The following PLEKHG5 variants were observed in gnomAD, a reference collection of about 807,000 sequenced individuals.
PLEKHG5 encodes pleckstrin homology and RhoGEF domain containing G5, also known as pleckstrin homology domain-containing family G member 5.
Under a neutral mutation model 103.8 loss-of-function variants are expected in PLEKHG5, and 52 were observed. That is an observed-to-expected ratio of 0.50 (90% CI 0.40 to 0.63). The LOEUF is 0.63. Among genes scored for constraint, PLEKHG5 ranks in the 30% least tolerant of loss-of-function variants. The pLI, the probability that PLEKHG5 is intolerant of heterozygous loss-of-function variation, is 0.00. For missense variants in PLEKHG5, 1,205 were observed against 1,347.6 expected, an observed-to-expected ratio of 0.89 and a Z score of 1.66; for synonymous variants, 592 against 575.5, an observed-to-expected ratio of 1.03 and a Z score of -0.41.
Position 6,478,571 on chromosome 1 carries a change from C to G in PLEKHG5, c.-87-913G>C, listed in dbSNP as rs1644822043. Among the ~76,000 whole-genome samples, 2 of 152,300 alleles carry G rather than the reference C, an allele frequency of 1.3e-5. 1 individual carries two copies. The highest frequency in any genetic ancestry group is 6.8e-3 in the Middle Eastern group (2 of 294). On this transcript the variant is annotated intron_variant, in intron 1 of 20. Coordinates refer to ENST00000377728, the MANE Select transcript of PLEKHG5 (RefSeq NM_020631.6). ...CTCTGTAAACAGGTATCAGTATTCA[C>G]GACTTCCTAGTTCTCTCCTCCCACT...
At chr1:6,507,626 G>A (rs1638360897) in intron 1 of PLEKHG5, among the ~76,000 whole-genome samples, 5 of 152,302 alleles carry the variant, frequency 3.3e-5, no homozygotes, top group South Asian at 2.1e-4. Context: ...TCCGGGGGGC[G>A]GGGGGATGGA....
At position 6,472,553 on chromosome 1, in the gene PLEKHG5, T is replaced by C. The variant is rs200802048; in HGVS notation, c.1054A>G (p.Ile352Val). Residue 352 changes from isoleucine (I) to valine (V), a missense_variant, in exon 10 of 21, where the codon ATC becomes GTC. Physicochemically the swap from Ile to Val is conservative, Grantham distance 29 (BLOSUM62 3). Transcript: ENST00000377728. ...WELLHTEASY[I>V]RKLRVIINLF... ...TTGATGATCACCCGCAGTTTCCTGATGTAGGAGGCCTCCGTGTGCAGCAGC... is the reference window on the plus strand; with the variant it reads ...TTGATGATCACCCGCAGTTTCCTGACGTAGGAGGCCTCCGTGTGCAGCAGC... The C allele has an allele frequency of 6.2e-6, 10 of 1,613,294 alleles. No homozygotes were observed. Among genetic ancestry groups the C allele is most frequent in the African/African-American group, 1.3e-5 (1 of 74,892 alleles).
rs1020150780 is a variant in PLEKHG5, at chr1:6,469,130, C to T, written c.2161G>A (p.Glu721Lys). The change falls in exon 19 of 21, where the codon GAG becomes AAG. Residue 721 changes from glutamate (E) to lysine (K), a missense_variant. Coordinates refer to ENST00000377728, the MANE Select transcript of PLEKHG5 (RefSeq NM_020631.6). The part of the protein sequence containing the change: ...QEEEEEEEEE[E>K]EEGEDSGTSA... ...GTGCCACTGTCCTCGCCTTCCTCCT[C>T]CTCCTCCTCCTCCTCCTCTTCCTCC... 1 of 1,555,088 alleles carries T rather than the reference C, an allele frequency of 6.4e-7. No homozygotes were observed. The highest frequency in any genetic ancestry group is 8.7e-7 in the Non-Finnish European group (1 of 1,150,338).
intron 4 of PLEKHG5, 98 bp downstream of exon 4, chr1:6,475,364 G>A: frequency 9.3e-7 from 1 of 1,069,542 alleles, no homozygotes; most frequent in Non-Finnish European, 1.5e-6. Context: ...ACCCTGGGAT[G>A]CAGACCTCCC....
At chr1:6,519,659 T>G (rs1638720374) in exon 1 of PLEKHG5, 1 of 703,546 alleles carries the variant, frequency 1.4e-6, no homozygotes, top group Admixed American at 2.1e-5. Flanking sequence ...TCAGCCCCAG[T>G]CTTAATTTCT....
chr1:6,467,713 G>C, intron 20 of PLEKHG5, 112 bp downstream of exon 20: 1 of 1,488,066 alleles, frequency 6.7e-7, no homozygotes, highest in Non-Finnish European at 9.3e-7. Context: ...CACTGGGCAG[G>C]GTTCAGGCTC....
rs926023020 is a variant in PLEKHG5, at chr1:6,505,538, G to A, written c.-164-8969C>T. Among the ~76,000 whole-genome samples the A allele has an allele frequency of 1.3e-5, 2 of 152,022 alleles. No homozygotes were observed. Among genetic ancestry groups the A allele is most frequent in the African/African-American group, 4.8e-5 (2 of 41,382 alleles). Reference sequence around the variant, plus strand: ...CTAAACACAAGCCACGGGGCTCAGCGTCCCCGAGAGCTCATCCTGCCTCTT... The same window carrying A: ...CTAAACACAAGCCACGGGGCTCAGCATCCCCGAGAGCTCATCCTGCCTCTT... On this transcript the variant is annotated intron_variant, in intron 1 of 21. Transcript: ENST00000377740. The surrounding 1 kb of genome is among the most constrained non-coding windows in gnomAD (Gnocchi z 4.2).
intron 1 of PLEKHG5, among the ~76,000 whole-genome samples, chr1:6,479,227 C>T (rs935406986): frequency 1.3e-5 from 2 of 151,736 alleles, no homozygotes; most frequent in African/African-American, 4.9e-5. Context: ...GATATACTTC[C>T]TCATATAGGA....
At position 6,470,753 on chromosome 1, in the gene PLEKHG5, C is replaced by CT; in HGVS notation, c.1523dup (p.Glu509GlyfsTer146). On this transcript the variant is annotated frameshift_variant, in exon 14 of 21. Coordinates refer to ENST00000377728, the MANE Select transcript of PLEKHG5 (RefSeq NM_020631.6). LOFTEE classifies it high-confidence loss of function. ...GGGTTACCATGGCGACGACGGCCTC[C>CT]TTGGCGCGCGGCTCCTCGGTCTTCC... The CT allele has an allele frequency of 6.4e-7, 1 of 1,562,030 alleles. No homozygotes were observed. Among genetic ancestry groups the CT allele is most frequent in the Non-Finnish European group, 8.7e-7 (1 of 1,154,924 alleles).
upstream of PLEKHG5, among the ~76,000 whole-genome samples, chr1:6,495,685 C>T (rs528892131): frequency 6.6e-6 from 1 of 152,310 alleles, no homozygotes; most frequent in Non-Finnish European, 1.5e-5. Context: ...GCGCAGTTGT[C>T]ACTATTGTCA....
chr1:6,468,517 G>C lies in PLEKHG5; in HGVS notation c.2319C>G (p.Pro773=), dbSNP rs80031446. The C allele has an allele frequency of 2.4e-4, 384 of 1,612,730 alleles. No individual in the cohort carries two copies. The highest frequency in any genetic ancestry group is 2.9e-4 in the Non-Finnish European group (347 of 1,179,848). ...AGCTGAAAGGACCGCTGTCGAACTC[G>C]GGGGAGGACAGCGTGTCCCCAGGCT... ...VVEPGDTLSS[P]EFDSGPFSSQ... The change falls in exon 20 of 21, where the codon CCC becomes CCG. Residue 773 remains proline, a synonymous_variant. Coordinates refer to ENST00000377728, the MANE Select transcript of PLEKHG5 (RefSeq NM_020631.6).
rs1010507470 is a variant in PLEKHG5 at position 6,470,608 on chromosome 1, G to A, written c.1578C>T (p.Asn526=). 1.3e-6 allele frequency: 2 copies of A among 1,596,930 alleles called. No individual in the cohort carries two copies. Among genetic ancestry groups the A allele is most frequent in the East Asian group, 4.5e-5 (2 of 44,186 alleles). The part of the protein sequence containing the change: ...GSVERFIHHV[N]ACMRQRQERQ... ...GCTCCTGCCGCTGCCGCATGCACGC[G>A]TTCACGTGGTGGATGAAGCGCTCCA... Residue 526 remains asparagine (N), a synonymous_variant, in exon 15 of 21, where the codon AAC becomes AAT. Transcript: ENST00000377728.
At chr1:6,515,675 TAA>T (rs367899680) in intron 1 of PLEKHG5, among the ~76,000 whole-genome samples, 8 of 143,820 alleles carry the variant, frequency 5.6e-5, no homozygotes, top group African/African-American at 2.0e-4. Flanking sequence ...AAAATTAAAT[TAA>T]AAAAAAAAAG....
At chr1:6,485,319 C>A in intron 1 of PLEKHG5, 3 of 1,414,686 alleles carry the variant, frequency 2.1e-6, no homozygotes, top group African/African-American at 1.5e-5. Context: ...GTCCCGGCCC[C>A]GTACCTGGCT....
At position 6,486,760 on chromosome 1, in the gene PLEKHG5, C is replaced by T. The variant is rs1215596886; in HGVS notation, c.-88+4877G>A. 9.9e-5 allele frequency among the ~76,000 whole-genome samples: 15 copies of T among 152,210 alleles called. No individual in the cohort carries two copies. The highest frequency in any genetic ancestry group is 8.5e-4 in the Admixed American group (13 of 15,280). On this transcript the variant is annotated intron_variant, in intron 1 of 20. Coordinates refer to ENST00000377728, the MANE Select transcript of PLEKHG5 (RefSeq NM_020631.6). This position sits in a 1 kb window ranked among gnomAD's most constrained non-coding sequence, Gnocchi z 5.3. ...GATTCCCAGGAAGGCAGGGCAGGCACCATTAGCCCCATTCACGGCGTGGGG... is the reference window on the plus strand; with the variant it reads ...GATTCCCAGGAAGGCAGGGCAGGCATCATTAGCCCCATTCACGGCGTGGGG...
chr1:6,480,382 T>C (rs963452910), intron 1 of PLEKHG5, among the ~76,000 whole-genome samples: 1 of 151,644 alleles, frequency 6.6e-6, no homozygotes, highest in African/African-American at 2.4e-5. Flanking sequence ...ACAAAAAAAT[T>C]AGCCAGTCGT....
At chr1:6,476,585 C>T (rs186860157) in intron 2 of PLEKHG5, among the ~76,000 whole-genome samples, 1 of 152,282 alleles carries the variant, frequency 6.6e-6, no homozygotes, top group East Asian at 1.9e-4. Flanking sequence ...AACAAACTCA[C>T]CTGTGGCCTC....
At chr1:6,485,142 C>T (rs569941137) in intron 1 of PLEKHG5, among the ~76,000 whole-genome samples, 34 of 152,278 alleles carry the variant, frequency 2.2e-4, no homozygotes, top group Non-Finnish European at 1.5e-4. Context: ...GTCCGAGGTC[C>T]CCGTCACCAG....
chr1:6,484,692 G>A (rs1466979175), intron 1 of PLEKHG5, among the ~76,000 whole-genome samples: 1 of 152,058 alleles, frequency 6.6e-6, no homozygotes, highest in African/African-American at 2.4e-5. Context: ...AGACCCAACT[G>A]CCCCTCCCTC....
Sources: gnomAD v4.1 joint callset for allele counts (sites outside exome capture counted in the v4.1 genomes callset) on GRCh38, gnomAD v4.1.1 for gene constraint, Gnocchi (gnomAD v3.1) non-coding constraint, MANE v1.5 for transcripts, NCBI Gene and HGNC (gene_info 2026-07-23, HGNC 2026-07-21) for gene names.